AVL9: variants seen among roughly 807,000 people sequenced by gnomAD.
AVL9 encodes the protein late secretory pathway protein AVL9 homolog.
Under a neutral mutation model 79.2 loss-of-function variants are expected in AVL9, and 49 were observed. That is an observed-to-expected ratio of 0.62 (90% CI 0.49 to 0.79). The LOEUF is 0.79. Ranked by LOEUF, AVL9 falls within the 30% of genes least tolerant of loss-of-function variation. The pLI is 0.00. For synonymous variants in AVL9, 299 were observed against 280.6 expected (o/e 1.07, Z -0.65); for missense variants, 682 against 776.8 (o/e 0.88, Z 1.45).
intron 1 of AVL9, among the ~76,000 whole-genome samples, chr7:32,514,867 AG>A (rs1452468691): frequency 1.3e-5 from 2 of 152,144 alleles, no homozygotes; most frequent in Non-Finnish European, 2.9e-5. Context: ...GCCTGCACCC[AG>A]GTGATTAAAA....
intron 1 of AVL9, among the ~76,000 whole-genome samples, chr7:32,520,998 G>T (rs905128355): frequency 1.3e-5 from 2 of 151,876 alleles, no homozygotes; most frequent in Non-Finnish European, 2.9e-5. Context: ...TTCTGCTTTT[G>T]CTCCTTCCTT....
At chr7:32,577,349 T>C (rs978247942) in intron 13 of AVL9, among the ~76,000 whole-genome samples, 2 of 152,214 alleles carry the variant, frequency 1.3e-5, no homozygotes, top group Non-Finnish European at 2.9e-5. Flanking sequence ...TTAATCATCA[T>C]ACTTGGCTAT....
At chr7:32,554,493 G>A (rs182316077) in intron 7 of AVL9, 65 bp from the exon 8 acceptor site, 155 of 993,432 alleles carry the variant, frequency 1.6e-4, no homozygotes, top group Admixed American at 2.7e-4. Context: ...GTTTTAGGAG[G>A]GGAAAAGATG....
intron 1 of AVL9, among the ~76,000 whole-genome samples, chr7:32,525,801 T>C (rs1788376581): frequency 6.6e-6 from 1 of 152,184 alleles, no homozygotes; most frequent in African/African-American, 2.4e-5. Context: ...ACCAAACCAG[T>C]CTCCCTCCTT....
intron 1 of AVL9, chr7:32,532,618 C>A (rs1383453582): frequency 6.6e-6 from 1 of 152,094 alleles, no homozygotes; most frequent in Non-Finnish European, 1.5e-5. Flanking sequence ...TCCAAGTACT[C>A]CAATTTAAGG....
rs1416671502 is a variant in AVL9, at chr7:32,495,588, T to A, written c.-122T>A. The stretch of plus-strand genomic sequence containing the variant: ...TGCTTTGCCTCCACCGATCTCCCTG[T>A]GCGGCCCTCATGTGCTGTGCTCGCT... On this transcript the variant is annotated 5_prime_UTR_variant, in exon 1 of 16. The change creates a premature stop within an existing upstream ORF in the 5' untranslated region. Transcript: ENST00000318709. The A allele has an allele frequency of 1.9e-6, 1 of 532,824 alleles. No individual in the cohort carries two copies. Among genetic ancestry groups the A allele is most frequent in the East Asian group, 3.5e-5 (1 of 28,524 alleles). 33.0% of individuals were successfully genotyped at this position (532,824 alleles called of 1,614,324 possible). A position where few individuals can be genotyped will look rare whatever the true frequency, so the allele number is the denominator to read the frequency against.
intron 1 of AVL9, chr7:32,532,456 C>A (rs976648727): frequency 6.6e-6 from 1 of 152,194 alleles, no homozygotes; most frequent in South Asian, 2.1e-4. Context: ...TAGAATATCT[C>A]TACCTCCATC....
At chr7:32,540,927 C>T (rs1789162626) in intron 1 of AVL9, among the ~76,000 whole-genome samples, 1 of 102,430 alleles carries the variant, frequency 9.8e-6, no homozygotes, top group African/African-American at 3.8e-5. Flanking sequence ...GAGACGGAGT[C>T]TCGCTCTGTC....
intron 15 of AVL9, chr7:32,581,127 C>G (rs1447718755): frequency 6.3e-6 from 3 of 477,746 alleles, no homozygotes; most frequent in Non-Finnish European, 1.1e-5. Context: ...TGTTTTGCTA[C>G]CAAGATTCAA....
intron 8 of AVL9, among the ~76,000 whole-genome samples, 157 bp downstream of exon 8, chr7:32,554,753 A>G (rs77724790): frequency 0.012 from 1,765 of 152,284 alleles, 35 homozygotes; most frequent in African/African-American, 0.04. Flanking sequence ...TCTCTGCCGT[A>G]AAAATATAAA....
chr7:32,535,085 G>T (rs1339362339), intron 1 of AVL9: 1 of 152,184 alleles, frequency 6.6e-6, no homozygotes, highest in African/African-American at 2.4e-5. Context: ...TGTTTTCAGA[G>T]CTTCTCCTGT....
intron 9 of AVL9, 21 bp downstream of exon 9, chr7:32,558,649 A>G: frequency 6.4e-7 from 1 of 1,572,080 alleles, no homozygotes; most frequent in Non-Finnish European, 8.7e-7. Flanking sequence ...AGCAGTATCT[A>G]CTCTTTCTTT....
intron 11 of AVL9, among the ~76,000 whole-genome samples, chr7:32,572,864 T>G (rs997028033): frequency 6.0e-5 from 9 of 151,124 alleles, no homozygotes; most frequent in African/African-American, 2.2e-4. Context: ...ATTTAAGGAA[T>G]TATACTTGTT....
At chr7:32,516,182 A>T (rs557285094) in intron 1 of AVL9, among the ~76,000 whole-genome samples, 67 of 152,284 alleles carry the variant, frequency 4.4e-4, no homozygotes, top group Non-Finnish European at 7.8e-4. Flanking sequence ...AGTAGCAGAG[A>T]TTACCTTGTA....
chr7:32,498,052 CTT>C (rs1324701160), intron 1 of AVL9, among the ~76,000 whole-genome samples: 1 of 152,094 alleles, frequency 6.6e-6, no homozygotes, highest in Admixed American at 6.5e-5. Flanking sequence ...GAAGTAAAAC[CTT>C]TGTTTTAAAA....
chr7:32,573,964 T>C (rs761139789), intron 12 of AVL9, among the ~76,000 whole-genome samples: 2 of 152,214 alleles, frequency 1.3e-5, no homozygotes, highest in South Asian at 4.1e-4. Context: ...GAGTTACTCC[T>C]GCATTAAAAC....
At position 32,575,988 on chromosome 7, in the gene AVL9, C is replaced by T. The variant is rs1791080893; in HGVS notation, c.1604C>T (p.Thr535Ile). Residue 535 changes from threonine to isoleucine, a missense_variant, in exon 13 of 16, where the codon ACT (threonine) becomes ATT (isoleucine). By Grantham distance (89) the Thr-to-Ile change is moderately conservative. Coordinates refer to ENST00000318709, the MANE Select transcript of AVL9 (RefSeq NM_015060.3). Reference protein sequence around the residue: ...NEKILSDYGTTFVTAWKNTHN... With the variant: ...NEKILSDYGTIFVTAWKNTHN... ...AAGATATTATCGGACTATGGGACAA[C>T]TTTTGTTACAGCATGGAAGAATACT... 3.1e-6 allele frequency: 5 copies of T among 1,613,772 alleles called. No individual in the cohort carries two copies. The highest frequency in any genetic ancestry group is 4.2e-6 in the Non-Finnish European group (5 of 1,179,814).
chr7:32,541,924 A>T (rs140239951), intron 1 of AVL9, among the ~76,000 whole-genome samples: 3,500 of 152,088 alleles, frequency 0.023, 146 homozygotes, highest in African/African-American at 0.078. Flanking sequence ...CATGTCGGCC[A>T]GGCTGGTCTC....
chr7:32,496,522 C>G (rs1370364059), intron 1 of AVL9, among the ~76,000 whole-genome samples: 1 of 152,126 alleles, frequency 6.6e-6, no homozygotes, highest in Non-Finnish European at 1.5e-5. Flanking sequence ...AATGCAGCAT[C>G]TGAAATGGAA....
Sources: allele counts gnomAD v4.1 joint callset (sites outside exome capture counted in the v4.1 genomes callset), GRCh38; gene constraint gnomAD v4.1.1; transcripts MANE v1.5; gene names NCBI Gene and HGNC (gene_info 2026-07-23, HGNC 2026-07-21).